Variants in AREL1 observed in about 807,000 individuals in gnomAD.
AREL1 encodes apoptosis resistant E3 ubiquitin protein ligase 1, also known as apoptosis-resistant E3 ubiquitin protein ligase 1.
AREL1 carries 62 observed loss-of-function variants against 99.0 expected under a neutral mutation model. The ratio of observed to expected loss-of-function variants is 0.63; its 90% CI spans 0.51 to 0.77. The LOEUF is 0.77. Among genes scored for constraint, AREL1 ranks in the 30% least tolerant of loss-of-function variants. The probability of loss-of-function intolerance (pLI) is 0.00; values close to 1 mark genes in which losing one functional copy is unlikely to be tolerated. For synonymous variants in AREL1, 380 were observed against 376.5 expected (o/e 1.01, Z -0.11); for missense variants, 879 against 1,027.6 (o/e 0.86, Z 1.98).
intron 12 of AREL1, 26 bp from the exon 13 acceptor site, chr14:74,670,897 A>G (rs1318567545): frequency 6.3e-7 from 1 of 1,598,142 alleles, no homozygotes; most frequent in Non-Finnish European, 8.6e-7. Context: ...AAAATAAAAA[A>G]TGACTCTGCC....
chr14:74,698,858 TAA>T (rs547639633), intron 1 of AREL1: 783 of 110,020 alleles, frequency 7.1e-3, no homozygotes, highest in South Asian at 0.041. Flanking sequence ...ATCCCATCTC[TAA>T]AAAAAAAAAA....
intron 3 of AREL1, among the ~76,000 whole-genome samples, chr14:74,685,228 A>C (rs1170977071): frequency 6.6e-6 from 1 of 152,004 alleles, no homozygotes; most frequent in African/African-American, 2.4e-5. Context: ...TACTTGGCAA[A>C]AGTCTTCTCC....
chr14:74,663,531 G>A lies in AREL1; in HGVS notation c.*189C>T. 2 of 631,070 alleles carry A rather than the reference G, an allele frequency of 3.2e-6. No homozygotes were observed. Among genetic ancestry groups the A allele is most frequent in the Non-Finnish European group, 5.7e-6 (2 of 351,080 alleles). The allele number at this position is 631,070 out of a possible 1,614,324, so 39.1% of individuals were successfully genotyped here. ...ACATACCATGCCAAAGTGGCCTGTG[G>A]TAGATATGGGCAGGGAGCAGGTGAG... On this transcript the variant is annotated 3_prime_UTR_variant, in exon 20 of 20. Transcript: ENST00000356357.
chr14:74,684,362 G>T, intron 4 of AREL1, 92 bp downstream of exon 4: 3 of 1,155,334 alleles, frequency 2.6e-6, no homozygotes, highest in Non-Finnish European at 3.8e-6. Context: ...AAAAACAAGA[G>T]AAAATGTTAA....
chr14:74,676,551 T>C (rs1594761531), intron 6 of AREL1, 32 bp downstream of exon 6: 1 of 1,603,468 alleles, frequency 6.2e-7, no homozygotes, highest in East Asian at 2.2e-5. Flanking sequence ...CAGCTCTCTC[T>C]AGCACACAGA....
intron 3 of AREL1, 64 bp downstream of exon 3, chr14:74,685,536 A>T: frequency 6.3e-7 from 1 of 1,585,178 alleles, no homozygotes; most frequent in Non-Finnish European, 8.6e-7. Flanking sequence ...ATAGGCAGAA[A>T]GGCAAAAAGG....
chr14:74,689,418 C>T (rs899455899), intron 2 of AREL1, among the ~76,000 whole-genome samples: 5 of 151,992 alleles, frequency 3.3e-5, no homozygotes, highest in African/African-American at 7.3e-5. Context: ...ATCTCCTCTG[C>T]CTAGAATATC....
rs140239552 is a variant in AREL1 at position 74,684,549 on chromosome 14, C to T, written c.148G>A (p.Val50Met). The T allele has an allele frequency of 4.5e-3, 7,209 of 1,614,130 alleles. 31 individuals carry two copies. Among genetic ancestry groups the T allele is most frequent in the Middle Eastern group, 0.038 (231 of 6,062 alleles). Residue 50 changes from valine (V) to methionine (M), a missense_variant, in exon 4 of 20, where the codon GTG becomes ATG. By Grantham distance (21) the Val-to-Met change is conservative. Transcript: ENST00000356357. ...CGGGGATCCAGGTAATTTCCCCGCA[C>T]GTAGTCATAAATAGTCCGGTCCCCT... is the stretch of plus-strand genomic sequence containing the variant. ...RRGDRTIYDYVRGNYLDPRSC... is the reference protein window; with the variant it reads ...RRGDRTIYDYMRGNYLDPRSC...
At chr14:74,670,992 C>T (rs72732166) in intron 12 of AREL1, 121 bp from the exon 13 acceptor site, 7 of 721,348 alleles carry the variant, frequency 9.7e-6, no homozygotes, top group Admixed American at 7.7e-5. Context: ...GGTGTTTCTC[C>T]GTTGCGACTC....
chr14:74,708,673 T>C (rs760881491), intron 1 of AREL1, among the ~76,000 whole-genome samples: 5 of 152,242 alleles, frequency 3.3e-5, no homozygotes, highest in African/African-American at 7.2e-5. Flanking sequence ...ATGTTAACTA[T>C]TGGCATCTCA....
intron 15 of AREL1, among the ~76,000 whole-genome samples, chr14:74,667,880 T>C (rs923148602): frequency 4.6e-5 from 7 of 152,244 alleles, no homozygotes; most frequent in Non-Finnish European, 7.3e-5. Context: ...GAAGATACTA[T>C]GGCTCCTCGC....
chr14:74,700,445 T>G (rs2090063683), intron 1 of AREL1, among the ~76,000 whole-genome samples: 1 of 152,232 alleles, frequency 6.6e-6, no homozygotes, highest in Non-Finnish European at 1.5e-5. Context: ...GAAAAAGATA[T>G]TATTCTTGGG....
At chr14:74,705,415 G>A (rs1463158042) in intron 1 of AREL1, among the ~76,000 whole-genome samples, 5 of 152,076 alleles carry the variant, frequency 3.3e-5, no homozygotes, top group African/African-American at 1.2e-4. Flanking sequence ...TCTAGTAAAT[G>A]GAATGCTTAA....
At position 74,692,491 on chromosome 14, in the gene AREL1, T is replaced by G. The variant is rs1430620763; in HGVS notation, c.-333-163A>C. Reference sequence around the variant, plus strand: ...CTGACCAAGCATTCTCAATTAAAACTCCACACAGTTTCCTTGAGGCCTCTC... The same window carrying G: ...CTGACCAAGCATTCTCAATTAAAACGCCACACAGTTTCCTTGAGGCCTCTC... On this transcript the variant is annotated intron_variant, in intron 1 of 19. Coordinates refer to ENST00000356357, the MANE Select transcript of AREL1 (RefSeq NM_001039479.2). Among the ~76,000 whole-genome samples the G allele has an allele frequency of 3.9e-5, 6 of 152,136 alleles. No individual in the cohort carries two copies. In the South Asian group the frequency reaches 1.2e-3, roughly 32 times the overall value.
intron 1 of AREL1, among the ~76,000 whole-genome samples, chr14:74,700,778 TCAAAA>T (rs371592546): frequency 2.6e-5 from 4 of 152,260 alleles, no homozygotes; most frequent in South Asian, 4.1e-4. Flanking sequence ...AGAGTCCCTC[TCAAAA>T]CAAAACAAAA....
intron 13 of AREL1, chr14:74,670,498 T>C (rs953834838): frequency 2.2e-5 from 9 of 409,720 alleles, no homozygotes; most frequent in African/African-American, 1.6e-4. Flanking sequence ...AGAGGCTTAA[T>C]TATTATAATA....
At chr14:74,685,524 G>C in intron 3 of AREL1, 76 bp downstream of exon 3, 1 of 1,534,286 alleles carries the variant, frequency 6.5e-7, no homozygotes, top group Non-Finnish European at 9.0e-7. Context: ...AAAGGGAAAA[G>C]AATAGGCAGA....
intron 15 of AREL1, among the ~76,000 whole-genome samples, 166 bp downstream of exon 15, chr14:74,669,483 A>C (rs1724851869): frequency 6.6e-6 from 1 of 152,238 alleles, no homozygotes; most frequent in African/African-American, 2.4e-5. Flanking sequence ...GTAAGTATAC[A>C]TTAACTAAAA....
chr14:74,692,070 C>G lies in AREL1; in HGVS notation c.-75G>C. ...AAACGAGGGCCCATGTTCTGAGAACCAAGTAGAGCACTCCTATTCACCAAA... is the reference window on the plus strand; with the variant it reads ...AAACGAGGGCCCATGTTCTGAGAACGAAGTAGAGCACTCCTATTCACCAAA... On this transcript the variant is annotated 5_prime_UTR_variant, in exon 2 of 20. Transcript: ENST00000356357. 1 of 408,372 alleles carries G rather than the reference C, an allele frequency of 2.4e-6. No individual in the cohort carries two copies. The highest frequency in any genetic ancestry group is 4.7e-6 in the Non-Finnish European group (1 of 212,684). The allele number at this position is 408,372 out of a possible 1,614,324, so 25.3% of individuals were successfully genotyped here. A position where few individuals can be genotyped will look rare whatever the true frequency, so the allele number is the denominator to read the frequency against.
Sources: gnomAD v4.1 joint callset for allele counts (sites outside exome capture counted in the v4.1 genomes callset) on GRCh38, gnomAD v4.1.1 for gene constraint, MANE v1.5 for transcripts, NCBI Gene and HGNC (gene_info 2026-07-23, HGNC 2026-07-21) for gene names.